RNF38: variants seen among roughly 807,000 people sequenced by gnomAD.
The protein encoded by RNF38 is ring finger protein 38.
Under a neutral mutation model 67.2 loss-of-function variants are expected in RNF38, and 15 were observed. That is an observed-to-expected ratio of 0.22 (90% CI 0.15 to 0.34). The LOEUF (loss-of-function observed/expected upper bound fraction) is 0.34. RNF38 is among the 10% of genes least tolerant of loss of function. The pLI, the probability that RNF38 is intolerant of heterozygous loss-of-function variation, is 1.00. For missense variants in RNF38, 524 were observed against 639.9 expected, an observed-to-expected ratio of 0.82 and a Z score of 1.95; for synonymous variants, 220 against 218.8, an observed-to-expected ratio of 1.01 and a Z score of -0.05.
chr9:36,400,285 T>A (rs2134146171), upstream of RNF38: 1 of 1,304,342 alleles, frequency 7.7e-7, no homozygotes, highest in East Asian at 2.9e-5. Context: ...AGAGGACCCT[T>A]TCGACCGGGT....
chr9:36,388,557 G>A (rs1314135553), intron 2 of RNF38, among the ~76,000 whole-genome samples: 2 of 152,154 alleles, frequency 1.3e-5, no homozygotes, highest in East Asian at 3.9e-4. Context: ...AAGAATCCAG[G>A]AAGTGTAGCA....
At chr9:36,347,933 G>C (rs950231166) in intron 9 of RNF38, among the ~76,000 whole-genome samples, 9 of 152,030 alleles carry the variant, frequency 5.9e-5, no homozygotes, top group Admixed American at 5.9e-4. Flanking sequence ...AAAATGAGCC[G>C]GTCATGGTGG....
At chr9:36,431,314 G>A (rs1838929185) in intron 1 of RNF38, among the ~76,000 whole-genome samples, 1 of 152,140 alleles carries the variant, frequency 6.6e-6, no homozygotes, top group Non-Finnish European at 1.5e-5. Context: ...ATAACCTACT[G>A]CCCCTAGAGC....
chr9:36,421,769 A>G (rs576318780), intron 2 of RNF38, among the ~76,000 whole-genome samples: 2 of 152,334 alleles, frequency 1.3e-5, no homozygotes, highest in East Asian at 3.9e-4. Flanking sequence ...TGGGGAAGGG[A>G]GAGAGAGTGA....
At chr9:36,350,444 T>C (rs1388691945) in intron 9 of RNF38, among the ~76,000 whole-genome samples, 2 of 152,228 alleles carry the variant, frequency 1.3e-5, no homozygotes, top group Non-Finnish European at 2.9e-5. Flanking sequence ...TAGCAAGCAC[T>C]GAAGGACAAC....
intron 1 of RNF38, among the ~76,000 whole-genome samples, chr9:36,475,637 C>A (rs1014227066): frequency 6.6e-6 from 1 of 150,752 alleles, no homozygotes; most frequent in African/African-American, 2.4e-5. Flanking sequence ...GGATTACAGG[C>A]GTGAGCCACC....
chr9:36,383,424 T>C (rs1402940499), intron 2 of RNF38, among the ~76,000 whole-genome samples: 2 of 152,274 alleles, frequency 1.3e-5, no homozygotes, highest in East Asian at 3.9e-4. Flanking sequence ...TTTCTTGACC[T>C]CATGATCCGC....
chr9:36,445,103 C>T (rs574933247), intron 1 of RNF38, among the ~76,000 whole-genome samples: 63 of 152,156 alleles, frequency 4.1e-4, no homozygotes, highest in African/African-American at 1.3e-3. Flanking sequence ...GACACTTCAC[C>T]GTCTTTTGCG....
rs149657870 is a variant in RNF38, at chr9:36,442,980, G to A, written n.242-18297C>T. ...GAGATTAGTAAGTCCTCCTCTGGGC[G>A]CAAAGAGAAGCCAAGGGAATTACAC... On this transcript the variant is annotated intron_variant and non_coding_transcript_variant, in intron 1 of 3. Transcript: ENST00000488058. 3.3e-5 allele frequency among the ~76,000 whole-genome samples: 5 copies of A among 152,286 alleles called. No individual in the cohort carries two copies. The South Asian group carries it at 6.2e-4, about 19-fold the overall frequency.
chr9:36,363,863 T>A (rs575994527), intron 4 of RNF38, among the ~76,000 whole-genome samples: 1 of 94,404 alleles, frequency 1.1e-5, no homozygotes, highest in South Asian at 3.8e-4. Flanking sequence ...ATGGGTCTAC[T>A]TATATGCAGA....
chr9:36,419,726 G>A (rs1166023815), intron 2 of RNF38, among the ~76,000 whole-genome samples: 2 of 152,198 alleles, frequency 1.3e-5, no homozygotes, highest in Non-Finnish European at 2.9e-5. Flanking sequence ...GGAAGGCTGA[G>A]GTGGGAGAAT....
intron 1 of RNF38, among the ~76,000 whole-genome samples, chr9:36,487,101 G>A (rs1418749522): frequency 6.6e-6 from 1 of 152,194 alleles, no homozygotes; most frequent in Non-Finnish European, 1.5e-5. Flanking sequence ...TGGGGGAGGG[G>A]GCTACCCACC....
At chr9:36,368,464 T>C (rs764915588) in intron 4 of RNF38, among the ~76,000 whole-genome samples, 2 of 152,202 alleles carry the variant, frequency 1.3e-5, no homozygotes, top group Admixed American at 6.5e-5. Flanking sequence ...TAGTCCTATA[T>C]ACATACACTC....
intron 1 of RNF38, among the ~76,000 whole-genome samples, chr9:36,485,010 CA>C (rs998285873): frequency 6.6e-6 from 1 of 150,988 alleles, no homozygotes; most frequent in African/African-American, 2.4e-5. Context: ...ACTAAAAATA[CA>C]AAAAAAAATT....
intron 1 of RNF38, among the ~76,000 whole-genome samples, chr9:36,460,921 A>C (rs906857883): frequency 1.5e-5 from 2 of 136,170 alleles, no homozygotes; most frequent in Non-Finnish European, 3.0e-5. Context: ...GAAAGAAAGA[A>C]AAAAAAGGAG....
chr9:36,382,843 C>A (rs1836310170), intron 2 of RNF38, among the ~76,000 whole-genome samples: 1 of 152,210 alleles, frequency 6.6e-6, no homozygotes, highest in African/African-American at 2.4e-5. Context: ...AACTCCCAGA[C>A]TTTCTCTACT....
intron 2 of RNF38, among the ~76,000 whole-genome samples, chr9:36,387,652 T>G (rs1367887163): frequency 2.0e-5 from 3 of 152,234 alleles, no homozygotes; most frequent in African/African-American, 7.2e-5. Flanking sequence ...AAGTATACCT[T>G]AATTTAAAAA....
chr9:36,364,368 T>G (rs1834791023), intron 4 of RNF38, among the ~76,000 whole-genome samples: 1 of 152,168 alleles, frequency 6.6e-6, no homozygotes, highest in Admixed American at 6.5e-5. Context: ...TCAACATTAG[T>G]CTATTAGTTT....
At chr9:36,478,088 A>G (rs1260753663) in intron 1 of RNF38, among the ~76,000 whole-genome samples, 12 of 152,086 alleles carry the variant, frequency 7.9e-5, no homozygotes, top group Admixed American at 2.0e-4. Context: ...ATTTTCACTA[A>G]AAGATTGCCA....
Sources: gnomAD v4.1 joint callset for allele counts (sites outside exome capture counted in the v4.1 genomes callset) on GRCh38, gnomAD v4.1.1 for gene constraint, MANE v1.5 for transcripts, NCBI Gene and HGNC (gene_info 2026-07-23, HGNC 2026-07-21) for gene names.